Variants in HDAC9 observed in about 807,000 individuals in gnomAD.
The protein encoded by HDAC9 is MEF-2 interacting transcription repressor (MITR) protein.
Under a neutral mutation model 139.4 loss-of-function variants are expected in HDAC9, and 41 were observed. The observed-to-expected ratio is 0.29, with a 90% CI of 0.23 to 0.38. The LOEUF (loss-of-function observed/expected upper bound fraction) is 0.38. Among genes scored for constraint, HDAC9 ranks in the 10% least tolerant of loss-of-function variants. HDAC9 has a pLI of 1.00. For synonymous variants in HDAC9, 517 were observed against 476.2 expected (o/e 1.09, Z -1.12); for missense variants, 1,147 against 1,297.0 (o/e 0.88, Z 1.78).
intron 6 of HDAC9, among the ~76,000 whole-genome samples, chr7:18,602,793 G>T (rs1172050341): frequency 1.3e-5 from 2 of 151,800 alleles, no homozygotes; most frequent in African/African-American, 2.4e-5. Context: ...TTCTGTTATT[G>T]ATTTCTATTG....
chr7:18,795,257 T>TAAAAAAAAAAAAAAAAAA (rs5882676), intron 17 of HDAC9, among the ~76,000 whole-genome samples: 123 of 65,500 alleles, frequency 1.9e-3, no homozygotes, highest in African/African-American at 6.0e-3. Flanking sequence ...AAGAAAACAG[T>TAAAAAAAAAAAAAAAAAA]AAAAAAAAAA....
intron 13 of HDAC9, among the ~76,000 whole-genome samples, chr7:18,744,785 GAA>G (rs1222660564): frequency 6.6e-6 from 1 of 152,020 alleles, no homozygotes; most frequent in African/African-American, 2.4e-5. Flanking sequence ...AAGACTGAGA[GAA>G]AGAGAAAGCA....
rs113060685 is a variant in HDAC9, at chr7:18,297,120, G to C, written c.-42+6605G>C. Among the ~76,000 whole-genome samples, 542 of 152,272 alleles carry C rather than the reference G, an allele frequency of 3.6e-3. 4 individuals carry two copies. The highest frequency in any genetic ancestry group is 0.011 in the African/African-American group (474 of 41,552). On this transcript the variant is annotated intron_variant, in intron 1 of 3. Coordinates refer to the HDAC9 transcript ENST00000413509. ...TTGAGAAACTTCCGTGTAGGTACGA[G>C]TTGAAGCCACATGAAAGGAAGAAAC...
chr7:18,723,441 G>C (rs992186698), intron 12 of HDAC9, among the ~76,000 whole-genome samples: 1 of 152,156 alleles, frequency 6.6e-6, no homozygotes, highest in Non-Finnish European at 1.5e-5. Context: ...TGTCTGTACA[G>C]TGCAGCACAA....
chr7:18,215,816 A>G (rs947045247), intron 2 of HDAC9, among the ~76,000 whole-genome samples: 4 of 152,134 alleles, frequency 2.6e-5, no homozygotes, highest in African/African-American at 9.7e-5. Context: ...AATGTTTGTT[A>G]TATACCCTTG....
intron 21 of HDAC9, among the ~76,000 whole-genome samples, chr7:18,852,817 C>A (rs1249885842): frequency 1.3e-5 from 2 of 151,290 alleles, no homozygotes; most frequent in African/African-American, 4.9e-5. Flanking sequence ...CATCTGAGGG[C>A]ACATGCTGAG....
chr7:18,241,721 G>T (rs1333410010), intron 2 of HDAC9, among the ~76,000 whole-genome samples: 2 of 152,184 alleles, frequency 1.3e-5, no homozygotes, highest in Non-Finnish European at 2.9e-5. Context: ...TCCTGACACT[G>T]AATCGCCTGA....
chr7:18,907,391 G>A (rs1468216832), intron 22 of HDAC9, among the ~76,000 whole-genome samples: 1 of 152,196 alleles, frequency 6.6e-6, no homozygotes, highest in Non-Finnish European at 1.5e-5. Context: ...TAATTCACGA[G>A]TGATGAAGTT....
At chr7:18,809,806 T>C (rs1794031179) in intron 17 of HDAC9, among the ~76,000 whole-genome samples, 1 of 151,922 alleles carries the variant, frequency 6.6e-6, no homozygotes, top group Non-Finnish European at 1.5e-5. Context: ...TGGAAAACAG[T>C]ATGGAATTTC....
At chr7:18,625,653 A>G (rs921676169) in intron 6 of HDAC9, among the ~76,000 whole-genome samples, 7 of 152,156 alleles carry the variant, frequency 4.6e-5, no homozygotes, top group Admixed American at 4.6e-4. Context: ...GCTGCAAGAT[A>G]TGTGGGACTG....
chr7:18,975,569 A>G (rs1784499204), intron 24 of HDAC9, among the ~76,000 whole-genome samples: 1 of 152,072 alleles, frequency 6.6e-6, no homozygotes, highest in Non-Finnish European at 1.5e-5. Flanking sequence ...ATTATTCCTC[A>G]CTTTATTGCT....
At chr7:18,178,086 C>T (rs184969991) in intron 2 of HDAC9, among the ~76,000 whole-genome samples, 2 of 151,294 alleles carry the variant, frequency 1.3e-5, no homozygotes, top group East Asian at 2.0e-4. Flanking sequence ...ACCTCCCCTC[C>T]CCTCCCCTCT....
chr7:18,842,078 C>A (rs1019772043), intron 21 of HDAC9, among the ~76,000 whole-genome samples: 1 of 152,038 alleles, frequency 6.6e-6, no homozygotes. Flanking sequence ...TCGTTGTCAT[C>A]TAAAAGTCAT....
intron 17 of HDAC9, among the ~76,000 whole-genome samples, chr7:18,822,260 C>T (rs150652742): frequency 6.6e-6 from 1 of 152,290 alleles, no homozygotes; most frequent in South Asian, 2.1e-4. Flanking sequence ...ATCCAGGAGC[C>T]CCCAGCCCCC....
chr7:18,121,815 C>CA (rs1784381573), intron 1 of HDAC9, among the ~76,000 whole-genome samples: 1 of 147,160 alleles, frequency 6.8e-6, no homozygotes, highest in Non-Finnish European at 1.5e-5. Flanking sequence ...CTAATGATTG[C>CA]AATTTATTTT....
At chr7:18,969,864 A>G (rs1317107040) in intron 24 of HDAC9, among the ~76,000 whole-genome samples, 1 of 152,188 alleles carries the variant, frequency 6.6e-6, no homozygotes, top group African/African-American at 2.4e-5. Flanking sequence ...TGTTACATAA[A>G]ATGTTTGCCA....
chr7:18,835,943 G>A lies in HDAC9; in HGVS notation c.2630G>A (p.Trp877Ter). 6.4e-7 allele frequency: 1 copy of A among 1,565,178 alleles called. No individual in the cohort carries two copies. Residue 877 changes from tryptophan to a stop codon, truncating the protein, a stop_gained, in exon 21 of 26, where the codon TGG (tryptophan) becomes TAG (stop). Coordinates refer to ENST00000686413, the MANE Select transcript of HDAC9 (RefSeq NM_178425.4). LOFTEE classifies it high-confidence loss of function. The stretch of plus-strand genomic sequence containing the variant: ...GAAGGGTACAATATAAATATTGCCT[G>A]GACAGGTGGCCTTGATCCTCCCATG... The part of the protein sequence containing the change: ...LGEGYNINIA[W>*]TGGLDPPMGD...
At chr7:18,088,985 T>C (rs1344149698) in intron 1 of HDAC9, among the ~76,000 whole-genome samples, 2 of 152,218 alleles carry the variant, frequency 1.3e-5, no homozygotes, top group Non-Finnish European at 2.9e-5. Context: ...GGGAAAAAGC[T>C]AGTGTTTTCA....
chr7:18,785,978 A>G (rs144309202), intron 16 of HDAC9, among the ~76,000 whole-genome samples: 1 of 152,278 alleles, frequency 6.6e-6, no homozygotes, highest in East Asian at 1.9e-4. Context: ...TATTATTGTT[A>G]TTGTCATTAT....
Sources: gnomAD v4.1 joint callset for allele counts (sites outside exome capture counted in the v4.1 genomes callset) on GRCh38, gnomAD v4.1.1 for gene constraint, MANE v1.5 for transcripts, NCBI Gene and HGNC (gene_info 2026-07-23, HGNC 2026-07-21) for gene names.